Variants in HCRTR2 observed in about 807,000 individuals in gnomAD.
HCRTR2 encodes the protein orexin receptor type 2.
HCRTR2 carries 22 observed loss-of-function variants against 49.0 expected under a neutral mutation model. That is an observed-to-expected ratio of 0.45 (90% CI 0.32 to 0.64). The LOEUF (loss-of-function observed/expected upper bound fraction) is 0.64, where lower values mean the gene tolerates loss of function less well. Among genes scored for constraint, HCRTR2 ranks in the 30% least tolerant of loss-of-function variants. The pLI is 0.04. For missense variants in HCRTR2, 491 were observed against 559.4 expected (o/e 0.88, Z 1.23); for synonymous variants, 236 against 205.3 (o/e 1.15, Z -1.28).
chr6:55,154,025 GA>G (rs1192651059), intron 1 of HCRTR2, among the ~76,000 whole-genome samples: 22 of 151,192 alleles, frequency 1.5e-4, no homozygotes, highest in Admixed American at 8.6e-4. Flanking sequence ...GGACAACCTA[GA>G]AAAAAAATGG....
intron 1 of HCRTR2, among the ~76,000 whole-genome samples, chr6:55,199,612 AC>A (rs1562004355): frequency 6.6e-6 from 1 of 152,190 alleles, no homozygotes; most frequent in Non-Finnish European, 1.5e-5. Flanking sequence ...GAAGGTGAAA[AC>A]AAAATGCAGT....
At chr6:55,175,913 C>T (rs1765031587) in intron 1 of HCRTR2, among the ~76,000 whole-genome samples, 1 of 152,096 alleles carries the variant, frequency 6.6e-6, no homozygotes, top group Non-Finnish European at 1.5e-5. Flanking sequence ...GAGGAAGTCT[C>T]TGCTGAAAAT....
chr6:55,178,911 A>G (rs1765085288), intron 1 of HCRTR2, among the ~76,000 whole-genome samples: 2 of 152,206 alleles, frequency 1.3e-5, no homozygotes, highest in Admixed American at 1.3e-4. Context: ...GGTTGTTGAT[A>G]GGCAGGTCTA....
chr6:55,220,681 C>T (rs1765873518), intron 1 of HCRTR2, among the ~76,000 whole-genome samples: 1 of 152,068 alleles, frequency 6.6e-6, no homozygotes, highest in Non-Finnish European at 1.5e-5. Flanking sequence ...CATTTCTCAT[C>T]AACGTATTAC....
intron 3 of HCRTR2, among the ~76,000 whole-genome samples, chr6:55,255,992 A>C (rs1415134143): frequency 6.6e-6 from 1 of 152,224 alleles, no homozygotes; most frequent in Non-Finnish European, 1.5e-5. Context: ...CCATCTGACA[A>C]GTATGATGTG....
chr6:55,210,340 G>A (rs189619695), intron 1 of HCRTR2, among the ~76,000 whole-genome samples: 1 of 152,242 alleles, frequency 6.6e-6, no homozygotes, highest in East Asian at 1.9e-4. Flanking sequence ...TTGATACAAT[G>A]TGATGGGGAC....
At chr6:55,118,548 C>A (rs1764151034) in intron 1 of HCRTR2, among the ~76,000 whole-genome samples, 2 of 151,888 alleles carry the variant, frequency 1.3e-5, no homozygotes, top group African/African-American at 4.8e-5. Context: ...TTCTCCACAA[C>A]CGTGCCAGCA....
intron 1 of HCRTR2, among the ~76,000 whole-genome samples, chr6:55,129,165 A>G (rs540806348): frequency 6.6e-6 from 1 of 152,186 alleles, no homozygotes; most frequent in African/African-American, 2.4e-5. Flanking sequence ...CCTACGTTTG[A>G]TTACTGCTTA....
rs543438782 is a variant in HCRTR2 at position 55,196,432 on chromosome 6, G to A, written c.223+21622G>A. Among the ~76,000 whole-genome samples, 21 of 152,250 alleles carry A rather than the reference G, an allele frequency of 1.4e-4. No individual in the cohort carries two copies. The East Asian group carries it at 4.1e-3, about 29-fold the overall frequency. On this transcript the variant is annotated intron_variant, in intron 1 of 6. Transcript: ENST00000370862. ...CCCCACCTAACCTTTAGCCACTTGGGATGATTAGACATAGAGGTGCCTAAG... is the reference window on the plus strand; with the variant it reads ...CCCCACCTAACCTTTAGCCACTTGGAATGATTAGACATAGAGGTGCCTAAG...
intron 1 of HCRTR2, among the ~76,000 whole-genome samples, chr6:55,121,080 C>T (rs1306247170): frequency 2.0e-5 from 3 of 152,106 alleles, no homozygotes; most frequent in Non-Finnish European, 4.4e-5. Context: ...TGGCCAATTT[C>T]ATGATATTGA....
At chr6:55,271,946 A>T (rs542640893) in intron 4 of HCRTR2, among the ~76,000 whole-genome samples, 1 of 152,268 alleles carries the variant, frequency 6.6e-6, no homozygotes, top group African/African-American at 2.4e-5. Context: ...TGCTTTGGAA[A>T]ACAGTTTGGT....
At chr6:55,173,767 A>T (rs1764985686), upstream of HCRTR2, among the ~76,000 whole-genome samples, 1 of 152,228 alleles carries the variant, frequency 6.6e-6, no homozygotes, top group South Asian at 2.1e-4. Flanking sequence ...TAACTATCGC[A>T]AATACAAATT....
At chr6:55,226,973 T>G (rs886735720) in intron 1 of HCRTR2, among the ~76,000 whole-genome samples, 23 of 152,136 alleles carry the variant, frequency 1.5e-4, no homozygotes, top group African/African-American at 2.2e-4. Context: ...GTAACTTTTC[T>G]TATTTCAAAT....
intron 4 of HCRTR2, among the ~76,000 whole-genome samples, chr6:55,269,612 T>C (rs1766932944): frequency 6.6e-6 from 1 of 152,144 alleles, no homozygotes; most frequent in African/African-American, 2.4e-5. Flanking sequence ...ATAATTTAAA[T>C]AGCATCAAAA....
intron 1 of HCRTR2, among the ~76,000 whole-genome samples, chr6:55,201,972 C>A (rs976536401): frequency 6.6e-6 from 1 of 151,934 alleles, no homozygotes; most frequent in East Asian, 1.9e-4. Context: ...ATTCAAGAAG[C>A]AACTTTAAGA....
intron 1 of HCRTR2, among the ~76,000 whole-genome samples, chr6:55,193,151 A>G (rs1218439844): frequency 6.6e-6 from 1 of 152,080 alleles, no homozygotes; most frequent in Non-Finnish European, 1.5e-5. Context: ...ATTGGCAAGC[A>G]CTCTTCTGAC....
chr6:55,246,625 G>A lies in HCRTR2; in HGVS notation c.224-2014G>A, dbSNP rs72979973. 6.3e-3 allele frequency among the ~76,000 whole-genome samples: 961 copies of A among 152,110 alleles called. 3 individuals carry two copies. Among genetic ancestry groups the A allele is most frequent in the South Asian group, 0.016 (79 of 4,824 alleles). On this transcript the variant is annotated intron_variant, in intron 1 of 6. Transcript: ENST00000370862. ...TCTGCTTCAATCAAGAGGATATATG[G>A]ATGATATAGCTTGGTGGATAACACT...
intron 6 of HCRTR2, 31 bp from the exon 7 acceptor site, chr6:55,282,194 T>A (rs755705696): frequency 1.3e-6 from 2 of 1,489,030 alleles, no homozygotes; most frequent in East Asian, 4.5e-5. Context: ...TATGTATAAT[T>A]CCTTTTCCTT....
chr6:55,279,959 T>G (rs1324565589), intron 5 of HCRTR2, among the ~76,000 whole-genome samples: 1 of 152,138 alleles, frequency 6.6e-6, no homozygotes, highest in Admixed American at 6.6e-5. Context: ...GGAGTGATTT[T>G]TAAATGATAC....
Sources: allele counts gnomAD v4.1 joint callset (sites outside exome capture counted in the v4.1 genomes callset), GRCh38; gene constraint gnomAD v4.1.1; transcripts MANE v1.5; gene names NCBI Gene and HGNC (gene_info 2026-07-23, HGNC 2026-07-21).